KNL1: variants seen among roughly 807,000 people sequenced by gnomAD.
KNL1 encodes the protein kinetochore scaffold 1, also known as outer kinetochore KNL1 complex subunit KNL1.
In KNL1, 66 loss-of-function variants were observed where a neutral mutation model predicts 201.3. The observed-to-expected ratio is 0.33, with a 90% CI of 0.27 to 0.40. The LOEUF (loss-of-function observed/expected upper bound fraction) is 0.40, where lower values mean the gene tolerates loss of function less well. Ranked by LOEUF, KNL1 falls within the 10% of genes least tolerant of loss-of-function variation. The pLI, the probability that KNL1 is intolerant of heterozygous loss-of-function variation, is 1.00. For missense variants in KNL1, 2,815 were observed against 2,690.5 expected (o/e 1.05, Z -1.02); for synonymous variants, 895 against 899.2 (o/e 1.00, Z 0.08).
chr15:40,625,097 C>T lies in KNL1; in HGVS notation c.4833C>T (p.Ile1611=). The change falls in exon 10 of 26, where the codon ATC becomes ATT. Residue 1611 remains isoleucine, a synonymous_variant. Transcript: ENST00000399668. ...QATEIHNINI[I]SSNAKDSRDE... is the part of the protein sequence containing the mutation. ...CAGAAATACATAATATTAACATAATCTCCAGCAATGCTAAAGATAGTAGAG... is the reference window on the plus strand; with the variant it reads ...CAGAAATACATAATATTAACATAATTTCCAGCAATGCTAAAGATAGTAGAG... 1.2e-6 allele frequency: 2 copies of T among 1,613,818 alleles called. No individual in the cohort carries two copies. The highest frequency in any genetic ancestry group is 1.7e-6 in the Non-Finnish European group (2 of 1,179,888).
chr15:40,594,529 C>G (rs866247862), intron 1 of KNL1, 137 bp downstream of exon 1: 1 of 152,296 alleles, frequency 6.6e-6, no homozygotes, highest in Non-Finnish European at 1.5e-5. Context: ...GCCGAGTAGA[C>G]GCCCCTGCCC....
At chr15:40,619,383 G>A (rs1892444088) in intron 9 of KNL1, among the ~76,000 whole-genome samples, 1 of 143,784 alleles carries the variant, frequency 7.0e-6, no homozygotes, top group Non-Finnish European at 1.5e-5. Flanking sequence ...TATATTTTAG[G>A]CTATCTCCTA....
chr15:40,643,516 G>A (rs1273772763), intron 14 of KNL1, among the ~76,000 whole-genome samples: 1 of 152,138 alleles, frequency 6.6e-6, no homozygotes, highest in East Asian at 1.9e-4. Flanking sequence ...GTGGTGGCAC[G>A]CGCCTGTAGT....
At position 40,594,373 on chromosome 15, in the gene KNL1, G is replaced by A. The variant is rs1595908462; in HGVS notation, c.-37G>A. 6.6e-6 allele frequency: 1 copy of A among 152,252 alleles called. No individual in the cohort carries two copies. Among genetic ancestry groups the A allele is most frequent in the Non-Finnish European group, 1.5e-5 (1 of 68,062 alleles). 9.4% of individuals were successfully genotyped at this position (152,252 alleles called of 1,614,324 possible). A position where few individuals can be genotyped will look rare whatever the true frequency, so the allele number is the denominator to read the frequency against. ...CAAACAAGTCTGCGCAAAATTTGTC[G>A]AGGAGGTTTGCCGCGGCAGGTAAAG... On this transcript the variant is annotated 5_prime_UTR_variant, in exon 1 of 26. Transcript: ENST00000399668.
At position 40,623,976 on chromosome 15, in the gene KNL1, A is replaced by G. The variant is rs1249338623; in HGVS notation, c.3712A>G (p.Asn1238Asp). Residue 1238 changes from asparagine (N) to aspartate (D), a missense_variant, in exon 10 of 26, where the codon AAT (asparagine) becomes GAT (aspartate). Around this residue, in one of 3 missense-constraint regions of KNL1, gnomAD observed 2,464 missense variants for 2,291.7 expected, o/e 1.08. Transcript: ENST00000399668. ...EQKQQLFAAT[N>D]RTTNEIIKFH... ...AAAGCAACAACTCTTTGCTGCTACTAATAGAACTACTAATGAAATCATCAA... is the reference window on the plus strand; with the variant it reads ...AAAGCAACAACTCTTTGCTGCTACTGATAGAACTACTAATGAAATCATCAA... 7 of 1,613,712 alleles carry G rather than the reference A, an allele frequency of 4.3e-6. No homozygotes were observed. Among genetic ancestry groups the G allele is most frequent in the Non-Finnish European group, 5.9e-6 (7 of 1,179,818 alleles).
rs549427168 is a variant in KNL1, at chr15:40,625,394, T to C, written c.5130T>C (p.Tyr1710=). 7 of 1,613,866 alleles carry C rather than the reference T, an allele frequency of 4.3e-6. No homozygotes were observed. The highest frequency in any genetic ancestry group is 5.9e-6 in the Non-Finnish European group (7 of 1,179,922). The change falls in exon 10 of 26, where the codon TAT becomes TAC. Residue 1710 remains tyrosine (Y), a synonymous_variant. Coordinates refer to ENST00000399668, the MANE Select transcript of KNL1 (RefSeq NM_144508.5). ...AGKLNLSPSQ[Y]INEENLPVYP... is the part of the protein sequence containing the mutation. Reference sequence around the variant, plus strand: ...AACTGAACCTAAGTCCTTCTCAATATATAAATGAGGAAAATCTTCCTGTAT... The same window carrying C: ...AACTGAACCTAAGTCCTTCTCAATACATAAATGAGGAAAATCTTCCTGTAT...
At chr15:40,656,869 G>C (rs186994870) in intron 22 of KNL1, among the ~76,000 whole-genome samples, 173 bp from the exon 23 acceptor site, 202 of 152,148 alleles carry the variant, frequency 1.3e-3, no homozygotes, top group African/African-American at 4.8e-3. Context: ...CTGGGTGACA[G>C]AGGGAGACAG....
At chr15:40,646,010 A>G (rs1371679446) in intron 16 of KNL1, among the ~76,000 whole-genome samples, 1 of 152,236 alleles carries the variant, frequency 6.6e-6, no homozygotes, top group Non-Finnish European at 1.5e-5. Context: ...TATCCATCAT[A>G]CATACTGAAA....
In KNL1 at chr15:40,596,046, C is replaced by T. The variant is rs187346276; in HGVS notation, c.-18+1654C>T. Reference sequence around the variant, plus strand: ...TAAAAGGGTAAAAAAACACTCTTAGCTCAAAGGCTAATTGGGCTCAGTCGC... The same window carrying T: ...TAAAAGGGTAAAAAAACACTCTTAGTTCAAAGGCTAATTGGGCTCAGTCGC... On this transcript the variant is annotated intron_variant, in intron 1 of 25. Transcript: ENST00000399668. Among the ~76,000 whole-genome samples the T allele has an allele frequency of 1.9e-3, 295 of 152,258 alleles. 1 individual carries two copies. The highest frequency in any genetic ancestry group is 6.6e-3 in the African/African-American group (276 of 41,552).
At chr15:40,658,150 C>T (rs925804570) in intron 24 of KNL1, among the ~76,000 whole-genome samples, 3 of 151,918 alleles carry the variant, frequency 2.0e-5, no homozygotes, top group African/African-American at 7.3e-5. Flanking sequence ...CCTGTAGTCC[C>T]AGCTACTCAG....
intron 6 of KNL1, among the ~76,000 whole-genome samples, chr15:40,611,147 C>T (rs945484053): frequency 1.3e-4 from 20 of 149,438 alleles, no homozygotes; most frequent in African/African-American, 4.4e-4. Flanking sequence ...CTTGCCCTGT[C>T]GCCCAGGCTA....
chr15:40,595,866 A>G (rs1467756401), intron 1 of KNL1, among the ~76,000 whole-genome samples: 3 of 152,316 alleles, frequency 2.0e-5, no homozygotes, highest in Admixed American at 6.5e-5. Flanking sequence ...ATCCTCCTAC[A>G]ATCCCGGAAA....
intron 13 of KNL1, among the ~76,000 whole-genome samples, chr15:40,637,175 C>T (rs1188043888): frequency 1.0e-4 from 14 of 137,370 alleles, no homozygotes; most frequent in African/African-American, 1.6e-4. Context: ...TTTTTTCTTT[C>T]TTTTTTTTTT....
At chr15:40,601,758 G>A (rs1891798870) in intron 1 of KNL1, among the ~76,000 whole-genome samples, 2 of 149,802 alleles carry the variant, frequency 1.3e-5, no homozygotes. Context: ...AACCCGGGAG[G>A]CGGAGCTTGC....
At chr15:40,642,081 G>T (rs1893245752) in intron 14 of KNL1, among the ~76,000 whole-genome samples, 1 of 152,156 alleles carries the variant, frequency 6.6e-6, no homozygotes, top group Non-Finnish European at 1.5e-5. Context: ...AGAAGGAAAA[G>T]AATATTAAAA....
intron 25 of KNL1, among the ~76,000 whole-genome samples, chr15:40,660,349 T>TA (rs1377729975): frequency 6.6e-6 from 1 of 152,088 alleles, no homozygotes; most frequent in Non-Finnish European, 1.5e-5. Context: ...GTACAGATGA[T>TA]ATGTAAACAA....
At position 40,659,989 on chromosome 15, in the gene KNL1, C is replaced by T. The variant is rs1362216906; in HGVS notation, c.6836+528C>T. Among the ~76,000 whole-genome samples the T allele has an allele frequency of 2.0e-5, 3 of 151,522 alleles. No homozygotes were observed. In the East Asian group the frequency reaches 5.8e-4, roughly 30 times the overall value. On this transcript the variant is annotated intron_variant, in intron 25 of 25. Coordinates refer to ENST00000399668, the MANE Select transcript of KNL1 (RefSeq NM_144508.5). ...GCAGTGGCACGATCTCGGCTCACTG[C>T]AACCTCTGCCTCCTGGGTTCAAGTG...
At chr15:40,644,129 T>G (rs1893317438) in intron 14 of KNL1, among the ~76,000 whole-genome samples, 1 of 152,200 alleles carries the variant, frequency 6.6e-6, no homozygotes. Context: ...CCCTCAGTTT[T>G]TATTGATTAT....
At chr15:40,630,991 A>C (rs1316426519) in intron 13 of KNL1, among the ~76,000 whole-genome samples, 1 of 151,994 alleles carries the variant, frequency 6.6e-6, no homozygotes, top group Non-Finnish European at 1.5e-5. Context: ...GGTGGCACAC[A>C]CCTGTAGTCC....
Sources: allele counts gnomAD v4.1 joint callset (sites outside exome capture counted in the v4.1 genomes callset), GRCh38; gene constraint gnomAD v4.1.1; regional missense constraint gnomAD v4.1.1; transcripts MANE v1.5; gene names NCBI Gene and HGNC (gene_info 2026-07-23, HGNC 2026-07-21).